Variants in CFAP299 observed in about 807,000 individuals in gnomAD.
CFAP299 encodes cilia- and flagella-associated protein 299.
In CFAP299, 21 loss-of-function variants were observed where a neutral mutation model predicts 27.0. The observed-to-expected ratio is 0.78, with a 90% CI of 0.55 to 1.12. The LOEUF is 1.12. Ranked by LOEUF, CFAP299 falls within the 50% of genes most tolerant of loss-of-function variation. The pLI, the probability that CFAP299 is intolerant of heterozygous loss-of-function variation, is 0.00. For synonymous variants in CFAP299, 104 were observed against 98.1 expected, an observed-to-expected ratio of 1.06 and a Z score of -0.36; for missense variants, 310 against 276.6, an observed-to-expected ratio of 1.12 and a Z score of -0.86.
Position 80,718,753 on chromosome 4 carries a change from A to C in CFAP299, c.333+135570A>C, listed in dbSNP as rs181561471. Among the ~76,000 whole-genome samples the C allele has an allele frequency of 2.4e-3, 366 of 152,252 alleles. 1 individual carries two copies. The highest frequency in any genetic ancestry group is 8.4e-3 in the African/African-American group (348 of 41,568). On this transcript the variant is annotated intron_variant, in intron 3 of 5. Transcript: ENST00000358105. ...AAATTAAAAATTTAAAAAAATCGTT[A>C]ACTCTCAGGTGAAAAGGGAAAAACA...
At chr4:80,466,642 C>T (rs754147558) in intron 2 of CFAP299, among the ~76,000 whole-genome samples, 9 of 152,136 alleles carry the variant, frequency 5.9e-5, no homozygotes, top group Non-Finnish European at 1.0e-4. Flanking sequence ...CTAGTCTCAT[C>T]GAAGCCAACT....
At chr4:80,527,755 A>G (rs911173692) in intron 2 of CFAP299, among the ~76,000 whole-genome samples, 1 of 152,030 alleles carries the variant, frequency 6.6e-6, no homozygotes, top group South Asian at 2.1e-4. Context: ...AGGTCTTTAT[A>G]GCTTCTTATA....
At chr4:80,416,747 G>A (rs965768715) in intron 2 of CFAP299, among the ~76,000 whole-genome samples, 7 of 152,120 alleles carry the variant, frequency 4.6e-5, no homozygotes, top group African/African-American at 1.4e-4. Flanking sequence ...GCATATAAAT[G>A]TAGCAGCTTG....
rs373584131 is a variant in CFAP299 at position 80,362,774 on chromosome 4, G to A, written c.132G>A (p.Gln44=). ...TCTAGGATGAAACCCTGGCCCGCCA[G>A]TTGGTGGAGCTAGGCTACCGAGGGA... The part of the protein sequence containing the change: ...YYLEDETLAR[Q]LVELGYRGTG... The change falls in exon 2 of 6, where the codon CAG becomes CAA. Residue 44 remains glutamine (Q), a synonymous_variant. Coordinates refer to ENST00000358105, the MANE Select transcript of CFAP299 (RefSeq NM_152770.3). The A allele has an allele frequency of 4.4e-6, 7 of 1,606,180 alleles. No homozygotes were observed. The highest frequency in any genetic ancestry group is 5.9e-6 in the Non-Finnish European group (7 of 1,178,120).
At chr4:80,681,973 T>G (rs758609642) in intron 3 of CFAP299, among the ~76,000 whole-genome samples, 1 of 151,878 alleles carries the variant, frequency 6.6e-6, no homozygotes, top group African/African-American at 2.4e-5. Flanking sequence ...ACCTCAGGAG[T>G]TGGTAGAGAA....
intron 2 of CFAP299, among the ~76,000 whole-genome samples, chr4:80,560,106 G>A (rs1321007730): frequency 2.0e-5 from 3 of 151,980 alleles, no homozygotes; most frequent in African/African-American, 7.2e-5. Flanking sequence ...TAAGAGTGGG[G>A]AGGACTTTGT....
chr4:80,914,676 A>G (rs1449014192), intron 4 of CFAP299, among the ~76,000 whole-genome samples: 2 of 152,196 alleles, frequency 1.3e-5, no homozygotes, highest in Non-Finnish European at 2.9e-5. Flanking sequence ...AGGACCCTGC[A>G]GGTTATTTAT....
chr4:80,553,985 CTTATGTTTAATTT>C (rs1734665386), intron 2 of CFAP299, among the ~76,000 whole-genome samples: 1 of 152,040 alleles, frequency 6.6e-6, no homozygotes, highest in African/African-American at 2.4e-5. Flanking sequence ...TGTAGAAGGT[CTTATGTTTAATTT>C]CATCCTATTT....
At chr4:80,830,322 C>A (rs548505768) in intron 3 of CFAP299, among the ~76,000 whole-genome samples, 11 of 152,108 alleles carry the variant, frequency 7.2e-5, no homozygotes, top group Non-Finnish European at 1.5e-4. Context: ...GAACAGGTCC[C>A]TTTACAAGTC....
At chr4:80,422,819 G>A (rs993322876) in intron 2 of CFAP299, among the ~76,000 whole-genome samples, 1 of 152,140 alleles carries the variant, frequency 6.6e-6, no homozygotes, top group Non-Finnish European at 1.5e-5. Flanking sequence ...GTCATGTCTT[G>A]CTTAATGATA....
intron 1 of CFAP299, among the ~76,000 whole-genome samples, chr4:80,355,969 G>A (rs1214637087): frequency 6.6e-6 from 1 of 151,970 alleles, no homozygotes; most frequent in Non-Finnish European, 1.5e-5. Flanking sequence ...TATAGTTTTG[G>A]GTTTTACATT....
chr4:80,339,510 T>C (rs1025678209), intron 1 of CFAP299, among the ~76,000 whole-genome samples: 2 of 152,226 alleles, frequency 1.3e-5, no homozygotes, highest in African/African-American at 2.4e-5. Flanking sequence ...AGTTAATTAT[T>C]TGATAAGCTA....
chr4:80,842,258 T>A (rs1212336552), intron 3 of CFAP299, among the ~76,000 whole-genome samples: 1 of 152,164 alleles, frequency 6.6e-6, no homozygotes, highest in African/African-American at 2.4e-5. Context: ...AGCCAAGTCA[T>A]CTAATAGTTT....
At chr4:80,915,469 G>T (rs1366751698) in intron 4 of CFAP299, among the ~76,000 whole-genome samples, 1 of 151,722 alleles carries the variant, frequency 6.6e-6, no homozygotes, top group Non-Finnish European at 1.5e-5. Flanking sequence ...TGGTTCCTTG[G>T]TGTAATTTTA....
chr4:80,526,732 C>T (rs1234972555), intron 2 of CFAP299, among the ~76,000 whole-genome samples: 1 of 152,034 alleles, frequency 6.6e-6, no homozygotes, highest in East Asian at 1.9e-4. Context: ...AATAAATAAA[C>T]ATAAATTGAC....
intron 4 of CFAP299, among the ~76,000 whole-genome samples, chr4:80,915,857 T>A (rs1412601666): frequency 6.6e-6 from 1 of 152,138 alleles, no homozygotes; most frequent in Non-Finnish European, 1.5e-5. Context: ...CATATTCTCT[T>A]CTTACCATAT....
chr4:80,593,173 G>A (rs776730214), intron 3 of CFAP299, among the ~76,000 whole-genome samples: 25 of 152,278 alleles, frequency 1.6e-4, no homozygotes, highest in Non-Finnish European at 2.8e-4. Context: ...GTCTGACTCC[G>A]TTGTTGATCT....
In CFAP299 at chr4:80,615,608, C is replaced by T. The variant is rs115568559; in HGVS notation, c.333+32425C>T. On this transcript the variant is annotated intron_variant, in intron 3 of 5. Coordinates refer to ENST00000358105, the MANE Select transcript of CFAP299 (RefSeq NM_152770.3). ...AGTTCAGTGGCATGATCATAGCTCA[C>T]TGCAGCCTCAAACTCCTCCTGGGTT... Among the ~76,000 whole-genome samples the T allele has an allele frequency of 5.6e-3, 851 of 151,940 alleles. 8 individuals carry two copies. Among genetic ancestry groups the T allele is most frequent in the African/African-American group, 0.018 (744 of 41,390 alleles).
chr4:80,694,722 T>C (rs555724089), intron 3 of CFAP299, among the ~76,000 whole-genome samples: 1 of 152,354 alleles, frequency 6.6e-6, no homozygotes, highest in African/African-American at 2.4e-5. Flanking sequence ...AATTGTGGGT[T>C]AGAAGCATAT....
Sources: gnomAD v4.1 joint callset for allele counts (sites outside exome capture counted in the v4.1 genomes callset) on GRCh38, gnomAD v4.1.1 for gene constraint, MANE v1.5 for transcripts, NCBI Gene and HGNC (gene_info 2026-07-23, HGNC 2026-07-21) for gene names.